The following CADPS2 variants were observed in gnomAD, a reference collection of about 807,000 sequenced individuals.
CADPS2 encodes the protein calcium-dependent secretion activator 2.
In CADPS2, 93 loss-of-function variants were observed where a neutral mutation model predicts 172.5. That is an observed-to-expected ratio of 0.54 (90% confidence interval 0.46 to 0.64). The LOEUF (loss-of-function observed/expected upper bound fraction) is 0.64. Ranked by LOEUF, CADPS2 falls within the 30% of genes least tolerant of loss-of-function variation. The pLI, the probability that CADPS2 is intolerant of heterozygous loss-of-function variation, is 0.00. For synonymous variants in CADPS2, 546 were observed against 555.2 expected (o/e 0.98, Z 0.23); for missense variants, 1,420 against 1,565.9 (o/e 0.91, Z 1.57).
intron 3 of CADPS2, among the ~76,000 whole-genome samples, chr7:122,649,703 T>C (rs1014353822): frequency 3.3e-5 from 5 of 152,162 alleles, no homozygotes; most frequent in Admixed American, 2.6e-4. Context: ...CTCCCAGTAA[T>C]GCACTGATCA....
chr7:122,864,880 G>C (rs967299614), intron 1 of CADPS2, among the ~76,000 whole-genome samples: 2 of 152,134 alleles, frequency 1.3e-5, no homozygotes, highest in Non-Finnish European at 2.9e-5. Flanking sequence ...CCAGTAAGAA[G>C]GGGGAAGAGA....
chr7:122,325,467 T>C lies in CADPS2; in HGVS notation c.3717+10A>G. 6.4e-7 allele frequency: 1 copy of C among 1,560,766 alleles called. No homozygotes were observed. ...AGTGGGCAATTCATATCTAAACACA[T>C]TTTGTTTACCTTCACAATCTTGATG... On this transcript the variant is annotated intron_variant, in intron 29 of 29. Transcript: ENST00000449022.
intron 4 of CADPS2, among the ~76,000 whole-genome samples, chr7:122,622,438 T>G (rs1259647636): frequency 1.3e-5 from 2 of 152,222 alleles, no homozygotes; most frequent in African/African-American, 4.8e-5. Context: ...ATATCAGCAT[T>G]GCCATTCAAT....
At chr7:122,353,998 C>CT (rs910896362) in intron 27 of CADPS2, among the ~76,000 whole-genome samples, 12 of 150,954 alleles carry the variant, frequency 7.9e-5, no homozygotes, top group South Asian at 6.3e-4. Context: ...AGTCAGATTT[C>CT]TTTTTTTTTC....
intron 2 of CADPS2, among the ~76,000 whole-genome samples, chr7:122,671,905 A>G (rs1397689649): frequency 6.6e-6 from 1 of 152,210 alleles, no homozygotes; most frequent in East Asian, 1.9e-4. Context: ...TAAATAATTA[A>G]TGAACCAGTA....
At chr7:122,485,061 C>T (rs1446107697) in intron 11 of CADPS2, among the ~76,000 whole-genome samples, 1 of 152,146 alleles carries the variant, frequency 6.6e-6, no homozygotes, top group East Asian at 1.9e-4. Flanking sequence ...AGATGGTAAA[C>T]TTAATAAATG....
chr7:122,547,781 AG>A (rs745919392), intron 8 of CADPS2, among the ~76,000 whole-genome samples: 1 of 152,170 alleles, frequency 6.6e-6, no homozygotes, highest in Admixed American at 6.5e-5. Context: ...CAGAGAGAGA[AG>A]GGTTCTTTGT....
intron 1 of CADPS2, among the ~76,000 whole-genome samples, chr7:122,818,315 G>A (rs984053899): frequency 7.2e-5 from 11 of 152,050 alleles, no homozygotes; most frequent in East Asian, 1.9e-4. Context: ...ATACAAACTC[G>A]ACAGTAGTTC....
intron 2 of CADPS2, among the ~76,000 whole-genome samples, chr7:122,668,771 T>C (rs935884437): frequency 1.3e-5 from 2 of 152,194 alleles, no homozygotes; most frequent in South Asian, 2.1e-4. Context: ...CAGGTCACTT[T>C]TGACAGACAA....
At chr7:122,727,866 ACAATGGTTAATAT>A (rs1375054844) in intron 2 of CADPS2, among the ~76,000 whole-genome samples, 1 of 151,942 alleles carries the variant, frequency 6.6e-6, no homozygotes, top group East Asian at 1.9e-4. Flanking sequence ...GAAGTGAAAC[ACAATGGTTAATAT>A]CAAAAACAGC....
chr7:122,724,738 C>CT (rs57164887), intron 2 of CADPS2, among the ~76,000 whole-genome samples: 11,763 of 151,932 alleles, frequency 0.077, 474 homozygotes, highest in South Asian at 0.17. Flanking sequence ...GTTTTTTCAC[C>CT]TTTTTTTTTC....
At position 122,416,163 on chromosome 7, in the gene CADPS2, C is replaced by A; in HGVS notation, c.2478G>T (p.Glu826Asp). ...TRLTEYAKIE[E>D]TMNQASPARK... ...TAGCAGGAGATGCCTGGTTCATGGT[C>A]TCTATATGAAAAAAAATCATAATCA... The change falls in exon 18 of 30, where the codon GAG becomes GAT. Residue 826 changes from glutamate (E) to aspartate (D), a missense_variant and splice_region_variant. By Grantham distance (45) the Glu-to-Asp change is conservative. Transcript: ENST00000449022. 3 of 1,519,308 alleles carry A rather than the reference C, an allele frequency of 2.0e-6. No individual in the cohort carries two copies. The highest frequency in any genetic ancestry group is 2.4e-5 in the South Asian group (2 of 82,162). The allele number at this position is 1,519,308 out of a possible 1,614,324, so 94.1% of individuals were successfully genotyped here. A position where few individuals can be genotyped will look rare whatever the true frequency, so the allele number is the denominator to read the frequency against.
At chr7:122,377,732 C>T (rs190389376) in intron 25 of CADPS2, among the ~76,000 whole-genome samples, 1 of 152,198 alleles carries the variant, frequency 6.6e-6, no homozygotes, top group Admixed American at 6.5e-5. Flanking sequence ...CCCCTTCCCC[C>T]CATGGTTTTC....
In CADPS2 at chr7:122,414,081, G is replaced by GA. The variant is rs762323668; in HGVS notation, c.2581-6_2581-5insT. ...CATTTTACTCACCTCTCTTCCCTGA[G>GA]GGTTTCCAAGAATTTGGAAGCATTG... On this transcript the variant is annotated splice_region_variant and splice_polypyrimidine_tract_variant and intron_variant, in intron 18 of 29. Transcript: ENST00000449022. 1.3e-6 allele frequency: 2 copies of GA among 1,532,154 alleles called. No individual in the cohort carries two copies. The highest frequency in any genetic ancestry group is 4.8e-5 in the East Asian group (2 of 41,772). 94.9% of individuals were successfully genotyped at this position (1,532,154 alleles called of 1,614,324 possible). A position where few individuals can be genotyped will look rare whatever the true frequency, so the allele number is the denominator to read the frequency against.
At chr7:122,443,830 T>C (rs1392940477) in intron 15 of CADPS2, among the ~76,000 whole-genome samples, 1 of 151,962 alleles carries the variant, frequency 6.6e-6, no homozygotes, top group Non-Finnish European at 1.5e-5. Context: ...CAATTTTAAA[T>C]ATTATCCTAC....
chr7:122,706,502 G>A (rs917043678), intron 2 of CADPS2, among the ~76,000 whole-genome samples: 1 of 146,510 alleles, frequency 6.8e-6, no homozygotes, highest in Non-Finnish European at 1.5e-5. Context: ...AGGCTAAAGA[G>A]AACTGAAACA....
chr7:122,698,610 T>C (rs373664210), intron 2 of CADPS2: 43 of 1,613,946 alleles, frequency 2.7e-5, no homozygotes, highest in Admixed American at 6.7e-5. Flanking sequence ...GTTCAATAAG[T>C]GCAAGCCAGG....
chr7:122,516,559 G>C (rs1042482647), intron 8 of CADPS2, among the ~76,000 whole-genome samples: 2 of 150,756 alleles, frequency 1.3e-5, no homozygotes, highest in African/African-American at 4.9e-5. Flanking sequence ...ACATGAAGAA[G>C]GAATGAAGAT....
At chr7:122,873,575 G>A (rs1370950308) in intron 1 of CADPS2, among the ~76,000 whole-genome samples, 1 of 152,158 alleles carries the variant, frequency 6.6e-6, no homozygotes, top group Non-Finnish European at 1.5e-5. Flanking sequence ...TATGATTGAT[G>A]GGCATTTTTG....
Sources: allele counts gnomAD v4.1 joint callset (sites outside exome capture counted in the v4.1 genomes callset), GRCh38; gene constraint gnomAD v4.1.1; transcripts MANE v1.5; gene names NCBI Gene and HGNC (gene_info 2026-07-23, HGNC 2026-07-21).